SLC26A8: variants seen among roughly 807,000 people sequenced by gnomAD.
The protein encoded by SLC26A8 is testis anion transporter 1.
In SLC26A8, 70 loss-of-function variants were observed where a neutral mutation model predicts 105.0. That is an observed-to-expected ratio of 0.67 (90% confidence interval 0.55 to 0.81). SLC26A8 has a LOEUF of 0.81. Ranked by LOEUF, SLC26A8 falls within the 40% of genes least tolerant of loss-of-function variation. The pLI is 0.00. For missense variants in SLC26A8, 998 were observed against 1,181.8 expected (o/e 0.84, Z 2.28); for synonymous variants, 415 against 438.3 (o/e 0.95, Z 0.66).
chr6:35,997,681 C>T (rs1263998711), intron 5 of SLC26A8, 57 bp downstream of exon 5: 1 of 1,522,486 alleles, frequency 6.6e-7, no homozygotes, highest in Non-Finnish European at 8.9e-7. Flanking sequence ...AGGAAGGGGT[C>T]TGTTTATAGC....
In SLC26A8 at chr6:35,951,337, G is replaced by A. The variant is rs374245672; in HGVS notation, c.2298C>T (p.Val766=). The change falls in exon 19 of 20, where the codon GTC becomes GTT. Residue 766 remains valine, a synonymous_variant. Transcript: ENST00000490799. ...AGAAATCATTCCTCTCAAATGCCCT[G>A]ACTATGGAAGCTAAAAACCAAACCC... is the stretch of plus-strand genomic sequence containing the variant. ...ILIAGCHSSI[V]RAFERNDFFD... is the part of the protein sequence containing the mutation. 6.8e-6 allele frequency: 11 copies of A among 1,613,928 alleles called. No individual in the cohort carries two copies. Among genetic ancestry groups the A allele is most frequent in the Non-Finnish European group, 9.3e-6 (11 of 1,180,038 alleles).
At chr6:35,994,290 AT>A (rs1761283877) in intron 5 of SLC26A8, among the ~76,000 whole-genome samples, 1 of 150,220 alleles carries the variant, frequency 6.7e-6, no homozygotes, top group African/African-American at 2.5e-5. Context: ...AATTTTTTGT[AT>A]TTTTAGTAGA....
intron 3 of SLC26A8, among the ~76,000 whole-genome samples, chr6:36,006,383 G>C (rs958697267): frequency 6.6e-6 from 1 of 152,196 alleles, no homozygotes; most frequent in African/African-American, 2.4e-5. Flanking sequence ...GCCTCCCAAA[G>C]TGTTGGGATT....
intron 2 of SLC26A8, among the ~76,000 whole-genome samples, chr6:36,013,277 G>A (rs1761911708): frequency 6.6e-6 from 1 of 151,236 alleles, no homozygotes; most frequent in African/African-American, 2.4e-5. Context: ...GCTCACTGCA[G>A]CCTCTGCCTC....
At chr6:35,952,614 G>GGGCCACA (rs1771917577) in intron 17 of SLC26A8, among the ~76,000 whole-genome samples, 3 of 152,254 alleles carry the variant, frequency 2.0e-5, no homozygotes, top group East Asian at 3.9e-4. Flanking sequence ...AAATCACAAA[G>GGGCCACA]TCATTTGGCA....
At chr6:35,993,780 C>T (rs903394487) in intron 5 of SLC26A8, among the ~76,000 whole-genome samples, 1 of 152,074 alleles carries the variant, frequency 6.6e-6, no homozygotes, top group Admixed American at 6.6e-5. Flanking sequence ...AATCTCAGCA[C>T]TTTGGGAGGC....
At chr6:36,023,576 A>C (rs1379223479) in intron 1 of SLC26A8, among the ~76,000 whole-genome samples, 2 of 151,508 alleles carry the variant, frequency 1.3e-5, no homozygotes, top group Non-Finnish European at 2.9e-5. Context: ...AAAGTCAAGA[A>C]TAAAAAGTTT....
At chr6:35,956,020 C>G (rs1034936864) in intron 16 of SLC26A8, among the ~76,000 whole-genome samples, 6 of 152,104 alleles carry the variant, frequency 3.9e-5, no homozygotes, top group Non-Finnish European at 7.4e-5. Context: ...GCAGGTGGAT[C>G]CCTTGAGCTC....
intron 19 of SLC26A8, among the ~76,000 whole-genome samples, chr6:35,946,528 C>G (rs573908763): frequency 6.6e-6 from 1 of 152,206 alleles, no homozygotes; most frequent in East Asian, 1.9e-4. Context: ...GAGGCCACAC[C>G]TGGCCCAGGC....
chr6:35,944,084 A>G lies in SLC26A8; in HGVS notation c.2729T>C (p.Met910Thr). 1 of 1,614,026 alleles carries G rather than the reference A, an allele frequency of 6.2e-7. No individual in the cohort carries two copies. Among genetic ancestry groups the G allele is most frequent in the Non-Finnish European group, 8.5e-7 (1 of 1,179,998 alleles). The change falls in exon 20 of 20, where the codon ATG becomes ACG. Residue 910 changes from methionine to threonine, a missense_variant. Physicochemically the swap from Met to Thr is moderately conservative, Grantham distance 81. Coordinates refer to ENST00000490799, the MANE Select transcript of SLC26A8 (RefSeq NM_052961.4). ...TGGCCTAGATTTGGGGTTGGGCTCCATCTCAGGCTCAGTCTCAGGCTGGGG... is the reference window on the plus strand; with the variant it reads ...TGGCCTAGATTTGGGGTTGGGCTCCGTCTCAGGCTCAGTCTCAGGCTGGGG... ...MEPQPETEPE[M>T]EPNPKSRPRA...
chr6:35,943,680 C>G lies in SLC26A8; in HGVS notation c.*220G>C. On this transcript the variant is annotated 3_prime_UTR_variant, in exon 20 of 20. Coordinates refer to ENST00000490799, the MANE Select transcript of SLC26A8 (RefSeq NM_052961.4). Reference sequence around the variant, plus strand: ...TATGCTGAAGGTGAAATGAGGGGAGCCTGGATAGGGAATTCAGAGATAATT... The same window carrying G: ...TATGCTGAAGGTGAAATGAGGGGAGGCTGGATAGGGAATTCAGAGATAATT... The G allele has an allele frequency of 3.4e-6, 2 of 588,102 alleles. No individual in the cohort carries two copies. Among genetic ancestry groups the G allele is most frequent in the South Asian group, 5.3e-5 (2 of 37,608 alleles). The allele number at this position is 588,102 out of a possible 1,614,324, so 36.4% of individuals were successfully genotyped here.
At chr6:36,011,287 T>C (rs547671016) in intron 3 of SLC26A8, among the ~76,000 whole-genome samples, 8 of 152,322 alleles carry the variant, frequency 5.3e-5, no homozygotes, top group Middle Eastern at 3.4e-3. Flanking sequence ...CCAAATAGTA[T>C]ATTCCATCTG....
At position 35,951,305 on chromosome 6, in the gene SLC26A8, G is replaced by T; in HGVS notation, c.2330C>A (p.Ala777Asp). ...RAFERNDFFD[A>D]GITKTQLFLS... The stretch of plus-strand genomic sequence containing the variant: ...GAACAGCTGGGTCTTGGTGATGCCA[G>T]CGTCAAAGAAATCATTCCTCTCAAA... The change falls in exon 19 of 20, where the codon GCT becomes GAT. Residue 777 changes from alanine (A) to aspartate (D), a missense_variant. By Grantham distance (126) the Ala-to-Asp change is moderately radical. Transcript: ENST00000490799. 1 of 1,614,152 alleles carries T rather than the reference G, an allele frequency of 6.2e-7. No individual in the cohort carries two copies. The highest frequency in any genetic ancestry group is 8.5e-7 in the Non-Finnish European group (1 of 1,180,034).
chr6:35,987,917 T>C (rs973046180), intron 7 of SLC26A8, among the ~76,000 whole-genome samples: 5 of 150,812 alleles, frequency 3.3e-5, no homozygotes, highest in East Asian at 3.9e-4. Context: ...CTTTCTTTTT[T>C]TTTTTTTTTT....
chr6:35,974,254 G>A (rs1452129538), intron 10 of SLC26A8, among the ~76,000 whole-genome samples: 1 of 152,176 alleles, frequency 6.6e-6, no homozygotes, highest in Non-Finnish European at 1.5e-5. Flanking sequence ...GGAGGCGGAG[G>A]TTGCAGTGAG....
At chr6:35,968,749 C>T (rs925644669) in intron 11 of SLC26A8, 128 bp downstream of exon 11, 10 of 634,318 alleles carry the variant, frequency 1.6e-5, no homozygotes, top group South Asian at 1.4e-4. Context: ...GGGGATAATC[C>T]GAATGCAATT....
At chr6:36,023,200 T>TCCATCCAC (rs1210923158) in intron 1 of SLC26A8, among the ~76,000 whole-genome samples, 2 of 151,602 alleles carry the variant, frequency 1.3e-5, no homozygotes, top group South Asian at 4.2e-4. Context: ...CATCCATCCA[T>TCCATCCAC]CCATCCATTT....
In SLC26A8 at chr6:36,016,551, T is replaced by C. The variant is rs527887483; in HGVS notation, c.188+2969A>G. On this transcript the variant is annotated intron_variant, in intron 2 of 19. Coordinates refer to ENST00000490799, the MANE Select transcript of SLC26A8 (RefSeq NM_052961.4). ...AATATTAGTTACATTCATCACTACT[T>C]TGAAATTATGGTAGTTATTAGACCC... is the stretch of plus-strand genomic sequence containing the variant. Among the ~76,000 whole-genome samples the C allele has an allele frequency of 5.9e-5, 9 of 152,338 alleles. No homozygotes were observed. In the East Asian group the frequency reaches 1.7e-3, roughly 29 times the overall value.
intron 7 of SLC26A8, among the ~76,000 whole-genome samples, chr6:35,984,458 G>A (rs1267791894): frequency 6.6e-6 from 1 of 151,506 alleles, no homozygotes; most frequent in Non-Finnish European, 1.5e-5. Flanking sequence ...GAGTAGCTAG[G>A]ACTACAGGCG....
Sources: gnomAD v4.1 joint callset for allele counts (sites outside exome capture counted in the v4.1 genomes callset) on GRCh38, gnomAD v4.1.1 for gene constraint, MANE v1.5 for transcripts, NCBI Gene and HGNC (gene_info 2026-07-23, HGNC 2026-07-21) for gene names.